The following KMT2E variants were observed in gnomAD, a reference collection of about 807,000 sequenced individuals.
The protein encoded by KMT2E is histone reader KMT2E.
Under a neutral mutation model 184.6 loss-of-function variants are expected in KMT2E, and 30 were observed. The observed-to-expected ratio is 0.16, with a 90% CI of 0.12 to 0.22. KMT2E has a LOEUF of 0.22. KMT2E is among the 10% of genes least tolerant of loss of function. The probability of loss-of-function intolerance (pLI) is 1.00; values close to 1 mark genes in which losing one functional copy is unlikely to be tolerated. For missense variants in KMT2E, 2,023 were observed against 2,237.4 expected, an observed-to-expected ratio of 0.90 and a Z score of 1.93; for synonymous variants, 815 against 776.5, an observed-to-expected ratio of 1.05 and a Z score of -0.82.
chr7:105,111,062 T>C, intron 26 of KMT2E, 194 bp downstream of exon 26: 1 of 562,398 alleles, frequency 1.8e-6, no homozygotes, highest in Non-Finnish European at 3.1e-6. Context: ...TGGATAACTC[T>C]GACCAAACAT....
intron 15 of KMT2E, among the ~76,000 whole-genome samples, chr7:105,092,431 T>G (rs143830329): frequency 1.3e-5 from 2 of 152,290 alleles, no homozygotes; most frequent in Admixed American, 1.3e-4. Flanking sequence ...ATTGTTGACC[T>G]ACTTAATATG....
chr7:105,019,709 A>G (rs1163126359), intron 1 of KMT2E, among the ~76,000 whole-genome samples: 1 of 152,180 alleles, frequency 6.6e-6, no homozygotes, highest in Non-Finnish European at 1.5e-5. Context: ...TTTTTACGAC[A>G]ATTGGACAGA....
chr7:105,081,433 T>TTAC (rs559129891), intron 12 of KMT2E, among the ~76,000 whole-genome samples: 1 of 150,378 alleles, frequency 6.6e-6, no homozygotes, highest in Admixed American at 6.6e-5. Flanking sequence ...TTTATTATTA[T>TTAC]TATTATTATT....
At chr7:105,073,976 T>A (rs1797433201) in intron 7 of KMT2E, among the ~76,000 whole-genome samples, 2 of 152,206 alleles carry the variant, frequency 1.3e-5, no homozygotes, top group African/African-American at 4.8e-5. Flanking sequence ...AAGTAAAATA[T>A]GTTTGTTCTT....
chr7:105,032,000 A>G (rs1795439643), intron 1 of KMT2E, among the ~76,000 whole-genome samples: 1 of 141,980 alleles, frequency 7.0e-6, no homozygotes, highest in South Asian at 2.4e-4. Context: ...CCCAGGAGAC[A>G]GGTTACAGTC....
chr7:105,062,522 A>G (rs1029661927), intron 4 of KMT2E, among the ~76,000 whole-genome samples: 2 of 152,122 alleles, frequency 1.3e-5, no homozygotes, highest in African/African-American at 4.8e-5. Context: ...TTTACTTCCT[A>G]AAAGAATGCA....
chr7:105,022,884 T>C (rs548091669), intron 1 of KMT2E, among the ~76,000 whole-genome samples: 9 of 152,302 alleles, frequency 5.9e-5, no homozygotes, highest in African/African-American at 2.2e-4. Context: ...CTGTAAGGCA[T>C]ATGGGCTGCT....
intron 17 of KMT2E, 39 bp downstream of exon 17, chr7:105,102,233 G>T (rs930153462): frequency 6.6e-7 from 1 of 1,504,980 alleles, no homozygotes; most frequent in South Asian, 1.3e-5. Flanking sequence ...TTTTCTAACA[G>T]TTTCTTATAT....
intron 12 of KMT2E, among the ~76,000 whole-genome samples, chr7:105,079,839 AT>A (rs1241479876): frequency 2.5e-4 from 37 of 148,762 alleles, no homozygotes; most frequent in African/African-American, 9.2e-4. Flanking sequence ...CATTATTATT[AT>A]TATTATTATT....
chr7:105,110,795 C>G lies in KMT2E; in HGVS notation c.3995C>G (p.Pro1332Arg). The G allele has an allele frequency of 6.2e-7, 1 of 1,614,010 alleles. No homozygotes were observed. Among genetic ancestry groups the G allele is most frequent in the Non-Finnish European group, 8.5e-7 (1 of 1,179,926 alleles). The change falls in exon 26 of 27, where the codon CCC becomes CGC. Residue 1332 changes from proline to arginine, a missense_variant. Transcript: ENST00000311117. ...MEDPDPENPE[P>R]TTTNECPSPD... ...GACCCTGATCCTGAAAATCCAGAAC[C>G]CACAACTACGAATGAATGTCCATCC...
In KMT2E at chr7:105,110,656, A is replaced by AAG. The variant is rs1491414008; in HGVS notation, c.3970+59_3970+60dup. On this transcript the variant is annotated intron_variant, in intron 25 of 26. Transcript: ENST00000311117. The stretch of plus-strand genomic sequence containing the variant: ...TTCTTAACAAATTTTAAAATCAGAC[A>AAG]AGAGAGCCTTTATAAAAAGTTGGTT... 1.9e-6 allele frequency: 3 copies of AAG among 1,608,736 alleles called. No individual in the cohort carries two copies. The East Asian group carries it at 6.7e-5, about 36-fold the overall frequency.
At chr7:105,033,193 A>G (rs1465108129) in intron 1 of KMT2E, among the ~76,000 whole-genome samples, 6 of 152,274 alleles carry the variant, frequency 3.9e-5, no homozygotes, top group East Asian at 3.9e-4. Flanking sequence ...GATTAAAACT[A>G]TTTTTTCATG....
rs907603396 is a variant in KMT2E, at chr7:105,074,934, T to C, written c.729+119T>C. The stretch of plus-strand genomic sequence containing the variant: ...TAGCTAAAAAGGATCTAGCAGAAGT[T>C]TTTTATTTTTAAACAATTAAACTTA... On this transcript the variant is annotated intron_variant, in intron 8 of 26. Coordinates refer to ENST00000311117, the MANE Select transcript of KMT2E (RefSeq NM_182931.3). 4.4e-6 allele frequency: 3 copies of C among 681,248 alleles called. No homozygotes were observed. The African/African-American group carries it at 5.6e-5, about 13-fold the overall frequency. 42.2% of individuals were successfully genotyped at this position (681,248 alleles called of 1,614,324 possible).
chr7:105,076,916 GTGTA>G, intron 9 of KMT2E, 43 bp from the exon 10 acceptor site: 2 of 884,492 alleles, frequency 2.3e-6, no homozygotes, highest in Non-Finnish European at 3.7e-6. Context: ...GTGTGTGTGT[GTGTA>G]AGTCCGTAAG....
chr7:105,041,051 A>C (rs1335963964), intron 3 of KMT2E, 28 bp downstream of exon 3: 6 of 345,768 alleles, frequency 1.7e-5, no homozygotes, highest in East Asian at 7.6e-5. Flanking sequence ...TTACATAAGC[A>C]AAAAAAAAAA....
At chr7:105,103,881 G>C (rs1798777232) in intron 17 of KMT2E, 1 of 145,884 alleles carries the variant, frequency 6.9e-6, no homozygotes. Flanking sequence ...ACGCTGGAGT[G>C]CAGTGGTGTG....
Position 105,112,793 on chromosome 7 carries a change from A to ACC in KMT2E, c.5041_5042dup (p.Pro1682HisfsTer31). On this transcript the variant is annotated frameshift_variant, in exon 27 of 27. Transcript: ENST00000311117. LOFTEE classifies it high-confidence loss of function. ...AAACTGCTGGACACCACTTACCCCCACCCCCACCCCCTCCTGGTCCTGCCC... is the reference window on the plus strand; with the variant it reads ...AAACTGCTGGACACCACTTACCCCCACCCCCCCACCCCCTCCTGGTCCTGCCC... The ACC allele has an allele frequency of 2.6e-5, 12 of 470,464 alleles. No individual in the cohort carries two copies. The highest frequency in any genetic ancestry group is 6.2e-5 in the South Asian group (2 of 32,370). The allele number at this position is 470,464 out of a possible 1,614,324, so 29.1% of individuals were successfully genotyped here.
intron 17 of KMT2E, 35 bp downstream of exon 17, chr7:105,102,229 AAC>A (rs774068597): frequency 3.1e-5 from 47 of 1,525,942 alleles, no homozygotes; most frequent in South Asian, 5.2e-5. Flanking sequence ...CTGTTTTTCT[AAC>A]AGTTTCTTAT....
intron 15 of KMT2E, among the ~76,000 whole-genome samples, chr7:105,099,095 G>T (rs1263187827): frequency 6.6e-6 from 1 of 152,156 alleles, no homozygotes; most frequent in South Asian, 2.1e-4. Context: ...GCTGAATGAT[G>T]TATGACCTTT....
Sources: allele counts gnomAD v4.1 joint callset (sites outside exome capture counted in the v4.1 genomes callset), GRCh38; gene constraint gnomAD v4.1.1; transcripts MANE v1.5; gene names NCBI Gene and HGNC (gene_info 2026-07-23, HGNC 2026-07-21).